The following PREX1 variants were observed in gnomAD, a reference collection of about 807,000 sequenced individuals.
The protein encoded by PREX1 is phosphatidylinositol-3,4,5-trisphosphate dependent Rac exchange factor 1.
PREX1 carries 41 observed loss-of-function variants against 198.3 expected under a neutral mutation model. The observed-to-expected ratio is 0.21, with a 90% confidence interval of 0.16 to 0.27. The LOEUF (loss-of-function observed/expected upper bound fraction) is 0.27. Ranked by LOEUF, PREX1 falls within the 10% of genes least tolerant of loss-of-function variation. The pLI, the probability that PREX1 is intolerant of heterozygous loss-of-function variation, is 1.00. For synonymous variants in PREX1, 843 were observed against 887.2 expected (o/e 0.95, Z 0.89); for missense variants, 1,620 against 2,200.7 (o/e 0.74, Z 5.28).
intron 1 of PREX1, among the ~76,000 whole-genome samples, chr20:48,792,198 A>G (rs540930840): frequency 6.6e-6 from 1 of 152,340 alleles, no homozygotes; most frequent in African/African-American, 2.4e-5. Flanking sequence ...AGCTAAGGCC[A>G]GGCGTGGTGG....
In PREX1 at chr20:48,624,953, G is replaced by A. The variant is rs2089258873; in HGVS notation, c.*932C>T. The A allele has an allele frequency of 6.6e-6, 1 of 152,432 alleles. No individual in the cohort carries two copies. Among genetic ancestry groups the A allele is most frequent in the Non-Finnish European group, 1.5e-5 (1 of 68,050 alleles). The allele number at this position is 152,432 out of a possible 1,614,324, so 9.4% of individuals were successfully genotyped here. A position where few individuals can be genotyped will look rare whatever the true frequency, so the allele number is the denominator to read the frequency against. ...CGCTGGAGAATGGAGGGTGGGGGAA[G>A]GAATCACAGTCGATACCTCAAAACG... On this transcript the variant is annotated 3_prime_UTR_variant, in exon 40 of 40. Coordinates refer to ENST00000371941, the MANE Select transcript of PREX1 (RefSeq NM_020820.4).
chr20:48,633,508 T>C (rs2089332125), intron 33 of PREX1, among the ~76,000 whole-genome samples: 1 of 152,192 alleles, frequency 6.6e-6, no homozygotes, highest in African/African-American at 2.4e-5. Context: ...ACTAATCCAG[T>C]GCCTGGTTCC....
At chr20:48,644,679 GT>G (rs2089438346) in intron 26 of PREX1, among the ~76,000 whole-genome samples, 182 bp from the exon 27 acceptor site, 1 of 152,272 alleles carries the variant, frequency 6.6e-6, no homozygotes, top group Non-Finnish European at 1.5e-5. Flanking sequence ...GGCCTGGTGG[GT>G]TTTCCACGCC....
the PREX1 span, among the ~76,000 whole-genome samples, chr20:48,867,154 T>G: frequency 5.3e-5 from 8 of 152,310 alleles, no homozygotes; most frequent in Admixed American, 3.3e-4. Context: ...CAAGCCCACT[T>G]AATCTCTCTT....
At chr20:48,708,804 G>T (rs926379412) in intron 5 of PREX1, among the ~76,000 whole-genome samples, 2 of 152,120 alleles carry the variant, frequency 1.3e-5, no homozygotes, top group African/African-American at 4.8e-5. Flanking sequence ...GCACATGTCT[G>T]GTATGTAATG....
chr20:48,786,459 G>T (rs1443997115), intron 1 of PREX1, among the ~76,000 whole-genome samples: 1 of 151,748 alleles, frequency 6.6e-6, no homozygotes, highest in East Asian at 1.9e-4. Context: ...AAGGGAGGAT[G>T]GGGGCCGGGC....
chr20:48,701,364 C>T lies in PREX1; in HGVS notation c.784-478G>A, dbSNP rs193287361. Reference sequence around the variant, plus strand: ...AGTAGCTGGGATTACAGGCATGCGCCACCATGCCCAGCTAATTTTGTATTT... The same window carrying T: ...AGTAGCTGGGATTACAGGCATGCGCTACCATGCCCAGCTAATTTTGTATTT... On this transcript the variant is annotated intron_variant, in intron 6 of 39. Coordinates refer to ENST00000371941, the MANE Select transcript of PREX1 (RefSeq NM_020820.4). Among the ~76,000 whole-genome samples the T allele has an allele frequency of 2.6e-3, 395 of 152,236 alleles. 4 individuals are homozygous for T. The highest frequency in any genetic ancestry group is 8.9e-3 in the East Asian group (46 of 5,182).
chr20:48,847,381 A>AC, the PREX1 span, among the ~76,000 whole-genome samples: 3 of 150,138 alleles, frequency 2.0e-5, no homozygotes, highest in African/African-American at 5.0e-5. Flanking sequence ...AAAAAAAAAA[A>AC]AAACAAACCC....
chr20:48,754,941 T>A (rs1362752944), intron 1 of PREX1, among the ~76,000 whole-genome samples: 1 of 152,126 alleles, frequency 6.6e-6, no homozygotes, highest in Non-Finnish European at 1.5e-5. Flanking sequence ...AATTGCCCAA[T>A]GACCCCTTCA....
At chr20:48,704,343 G>A (rs2089891819) in intron 6 of PREX1, among the ~76,000 whole-genome samples, 1 of 152,208 alleles carries the variant, frequency 6.6e-6, no homozygotes, top group Non-Finnish European at 1.5e-5. Flanking sequence ...GTCCCACTGG[G>A]AGCCCAAAGC....
chr20:48,646,251 C>G (rs981177923), intron 25 of PREX1, among the ~76,000 whole-genome samples, 194 bp from the exon 26 acceptor site: 1 of 152,164 alleles, frequency 6.6e-6, no homozygotes, highest in Non-Finnish European at 1.5e-5. Context: ...CTGTGAAGAC[C>G]CTGAGAGCAA....
chr20:48,626,737 G>A (rs942660433), intron 39 of PREX1, among the ~76,000 whole-genome samples: 20 of 152,252 alleles, frequency 1.3e-4, no homozygotes, highest in African/African-American at 3.9e-4. Flanking sequence ...CTGTGGTTAC[G>A]TAAGACGTTG....
intron 1 of PREX1, among the ~76,000 whole-genome samples, chr20:48,818,679 TAGAC>T (rs1405964080): frequency 6.6e-6 from 1 of 152,218 alleles, no homozygotes; most frequent in Non-Finnish European, 1.5e-5. Flanking sequence ...TGAGAGCTAA[TAGAC>T]AGTAAAGTGC....
intron 30 of PREX1, among the ~76,000 whole-genome samples, chr20:48,638,246 C>T (rs1033774127): frequency 6.6e-6 from 1 of 152,114 alleles, no homozygotes; most frequent in Non-Finnish European, 1.5e-5. Context: ...CAAGTGCACA[C>T]CACACACGTG....
chr20:48,766,845 G>C (rs1052309573), intron 1 of PREX1, among the ~76,000 whole-genome samples: 1 of 152,158 alleles, frequency 6.6e-6, no homozygotes, highest in East Asian at 1.9e-4. Flanking sequence ...TAGAGGGAGG[G>C]AGACCCCTTT....
chr20:48,686,855 C>G (rs967895188), intron 10 of PREX1, among the ~76,000 whole-genome samples: 2 of 152,216 alleles, frequency 1.3e-5, no homozygotes, highest in African/African-American at 4.8e-5. Context: ...CCATGAGTGC[C>G]AGCTGTCCCC....
chr20:48,833,526 C>T, the PREX1 span, among the ~76,000 whole-genome samples: 35,237 of 150,512 alleles, frequency 0.23, 4,731 homozygotes, highest in Non-Finnish European at 0.3. Flanking sequence ...ACTGCAACCT[C>T]AGCCTCCTGG....
At chr20:48,648,963 A>C (rs913307434) in intron 25 of PREX1, among the ~76,000 whole-genome samples, 11 of 152,176 alleles carry the variant, frequency 7.2e-5, no homozygotes, top group Non-Finnish European at 2.9e-5. Context: ...TAAAATTATA[A>C]AGTTCTCTCC....
In PREX1 at chr20:48,629,624, G is replaced by A; in HGVS notation, c.4594-3C>T. 1 of 1,613,884 alleles carries A rather than the reference G, an allele frequency of 6.2e-7. No homozygotes were observed. Among genetic ancestry groups the A allele is most frequent in the Non-Finnish European group, 8.5e-7 (1 of 1,179,854 alleles). On this transcript the variant is annotated splice_polypyrimidine_tract_variant and splice_region_variant and intron_variant, in intron 36 of 39. Transcript: ENST00000371941. Reference sequence around the variant, plus strand: ...AGGGCATTGATGGGGCGGATCAGCTGTAGGGGGTACCACACATAACCGGGG... The same window carrying A: ...AGGGCATTGATGGGGCGGATCAGCTATAGGGGGTACCACACATAACCGGGG...
Sources: allele counts gnomAD v4.1 joint callset (sites outside exome capture counted in the v4.1 genomes callset), GRCh38; gene constraint gnomAD v4.1.1; transcripts MANE v1.5; gene names NCBI Gene and HGNC (gene_info 2026-07-23, HGNC 2026-07-21).